The following SORBS2 variants were observed in gnomAD, a reference collection of about 807,000 sequenced individuals.
The protein encoded by SORBS2 is sorbin and SH3 domain-containing protein 2.
A neutral mutation model predicts 97.7 loss-of-function variants in SORBS2; 46 were observed. The ratio of observed to expected loss-of-function variants is 0.47; its 90% CI spans 0.37 to 0.60. The LOEUF is 0.60. SORBS2 is among the 20% of genes least tolerant of loss of function. The pLI, the probability that SORBS2 is intolerant of heterozygous loss-of-function variation, is 0.00. For synonymous variants in SORBS2, 476 were observed against 473.4 expected (o/e 1.01, Z -0.07); for missense variants, 1,316 against 1,282.3 (o/e 1.03, Z -0.40).
chr4:185,910,649 C>A (rs917651240), intron 1 of SORBS2, among the ~76,000 whole-genome samples: 5 of 152,008 alleles, frequency 3.3e-5, no homozygotes, highest in Non-Finnish European at 7.4e-5. Flanking sequence ...CTTAGCTCAA[C>A]CTCCTCCCAC....
chr4:185,728,622 A>G (rs1167617508), intron 2 of SORBS2, among the ~76,000 whole-genome samples: 1 of 152,240 alleles, frequency 6.6e-6, no homozygotes, highest in Non-Finnish European at 1.5e-5. Context: ...GATGCGCAGG[A>G]GCACTCATTA....
At chr4:185,693,762 A>G (rs1390225104) in intron 2 of SORBS2, among the ~76,000 whole-genome samples, 2 of 152,200 alleles carry the variant, frequency 1.3e-5, no homozygotes, top group African/African-American at 4.8e-5. Flanking sequence ...GACAATAATA[A>G]TGTTTTTGTA....
chr4:185,789,571 TATA>T lies in SORBS2; in HGVS notation c.-337-14208_-337-14206del, dbSNP rs538771455. Among the ~76,000 whole-genome samples the T allele has an allele frequency of 2.7e-3, 404 of 150,888 alleles. 1 individual carries two copies. The highest frequency in any genetic ancestry group is 8.3e-3 in the African/African-American group (344 of 41,370). ...AATCAAGAAATTAAATATAATTTCTTATAATGTTTAAATATAAATTATTAAATA... is the reference window on the plus strand; with the variant it reads ...AATCAAGAAATTAAATATAATTTCTTATGTTTAAATATAAATTATTAAATA... On this transcript the variant is annotated intron_variant, in intron 1 of 20. Coordinates refer to the SORBS2 transcript ENST00000284776.
At chr4:185,638,129 C>A in intron 4 of SORBS2, 1 of 1,612,034 alleles carries the variant, frequency 6.2e-7, no homozygotes, top group South Asian at 1.1e-5. Context: ...GGCTCATTTT[C>A]TAAATCTATG....
chr4:185,778,850 T>TA (rs11419363), intron 1 of SORBS2, among the ~76,000 whole-genome samples: 26,069 of 152,130 alleles, frequency 0.17, 2,489 homozygotes, highest in East Asian at 0.34. Context: ...CTACAATTGT[T>TA]AGAACTGGTG....
At chr4:185,784,898 G>A (rs1320431760) in intron 1 of SORBS2, among the ~76,000 whole-genome samples, 2 of 152,158 alleles carry the variant, frequency 1.3e-5, no homozygotes, top group Non-Finnish European at 2.9e-5. Context: ...CGCCCCGGGA[G>A]CTGCATCATT....
intron 2 of SORBS2, among the ~76,000 whole-genome samples, chr4:185,732,925 G>A (rs2098653596): frequency 6.6e-6 from 1 of 152,190 alleles, no homozygotes; most frequent in African/African-American, 2.4e-5. Context: ...AGAACATTGC[G>A]AGACAATGCA....
chr4:185,638,356 T>G (rs2097059974), intron 4 of SORBS2, among the ~76,000 whole-genome samples, 194 bp from the exon 15 acceptor site: 2 of 152,174 alleles, frequency 1.3e-5, no homozygotes, highest in Non-Finnish European at 2.9e-5. Context: ...GCGAGCTCCA[T>G]GGCAGGGGGT....
chr4:185,848,566 C>T (rs1412546978), intron 1 of SORBS2, among the ~76,000 whole-genome samples: 1 of 141,034 alleles, frequency 7.1e-6, no homozygotes, highest in Non-Finnish European at 1.5e-5. Context: ...TTCTAGTATT[C>T]TAGTGGTTCA....
rs545837872 is a variant in SORBS2, at chr4:185,662,088, T to C, written c.94+16A>G. On this transcript the variant is annotated intron_variant, in intron 5 of 20. Coordinates refer to the SORBS2 transcript ENST00000284776. ...ATTGAGGTTGCCATGGAAATCACGG[T>C]GAGTAAATTACTTACCGAGGGATGT... 2.5e-6 allele frequency: 4 copies of C among 1,613,502 alleles called. No individual in the cohort carries two copies. Among genetic ancestry groups the C allele is most frequent in the South Asian group, 1.1e-5 (1 of 90,908 alleles).
intron 1 of SORBS2, among the ~76,000 whole-genome samples, chr4:185,890,685 G>A (rs2099242040): frequency 6.6e-6 from 1 of 152,270 alleles, no homozygotes; most frequent in Middle Eastern, 3.4e-3. Context: ...CCTTCTAACA[G>A]CACAGTGTGT....
At position 185,815,647 on chromosome 4, in the gene SORBS2, G is replaced by A. The variant is rs980370736; in HGVS notation, c.-337-40281C>T. On this transcript the variant is annotated intron_variant, in intron 1 of 20. Coordinates refer to the SORBS2 transcript ENST00000284776. ...ACATATATATGCTCTAATAGTATAC[G>A]CACACACATATATATGGAGAGAGAG... Among the ~76,000 whole-genome samples the A allele has an allele frequency of 5.9e-5, 9 of 151,750 alleles. 1 individual carries two copies. Among genetic ancestry groups the A allele is most frequent in the South Asian group, 2.1e-4 (1 of 4,810 alleles).
intron 9 of SORBS2, 35 bp from the exon 22 acceptor site, chr4:185,615,194 T>G (rs781236326): frequency 1.6e-5 from 19 of 1,225,134 alleles, no homozygotes; most frequent in Admixed American, 8.4e-5. Flanking sequence ...CTTTTTGTGA[T>G]GTACAGCAAT....
At chr4:185,796,068 A>AC (rs2099103232) in intron 1 of SORBS2, among the ~76,000 whole-genome samples, 2 of 151,700 alleles carry the variant, frequency 1.3e-5, no homozygotes, top group African/African-American at 4.8e-5. Context: ...AAATTCCCTT[A>AC]TTTTTTTTAA....
intron 4 of SORBS2, among the ~76,000 whole-genome samples, 189 bp from the exon 14 acceptor site, chr4:185,639,224 G>C (rs1209442243): frequency 1.3e-5 from 2 of 152,208 alleles, no homozygotes; most frequent in Non-Finnish European, 2.9e-5. Context: ...TGCCCACCAG[G>C]AGTGGATCCC....
At chr4:185,651,673 T>C (rs2097316131) in intron 2 of SORBS2, 111 bp downstream of exon 11, 5 of 742,074 alleles carry the variant, frequency 6.7e-6, no homozygotes, top group South Asian at 6.1e-5. Flanking sequence ...CCTCCTAATA[T>C]ATGAACTGAA....
At chr4:185,614,570 A>G in intron 11 of SORBS2, 1 of 421,384 alleles carries the variant, frequency 2.4e-6, no homozygotes, top group Non-Finnish European at 4.2e-6. Flanking sequence ...CTTGATTTTC[A>G]GCCCCATGCC....
intron 2 of SORBS2, among the ~76,000 whole-genome samples, chr4:185,754,484 GAAT>G (rs2098819453): frequency 6.6e-6 from 1 of 152,004 alleles, no homozygotes. Flanking sequence ...AAAGTTAAAA[GAAT>G]AATAAAAACA....
At position 185,781,900 on chromosome 4, in the gene SORBS2, G is replaced by T. The variant is rs546830706; in HGVS notation, c.-337-6534C>A. Reference sequence around the variant, plus strand: ...CCACCCCCTTTTTTTAACTCGTAAAGAATCACCTTCCTCATTCCTTCTAAA... The same window carrying T: ...CCACCCCCTTTTTTTAACTCGTAAATAATCACCTTCCTCATTCCTTCTAAA... On this transcript the variant is annotated intron_variant, in intron 1 of 20. Transcript: ENST00000284776. 3.9e-5 allele frequency among the ~76,000 whole-genome samples: 6 copies of T among 152,338 alleles called. No homozygotes were observed. The South Asian group carries it at 1.2e-3, about 32-fold the overall frequency.
Sources: gnomAD v4.1 joint callset for allele counts (sites outside exome capture counted in the v4.1 genomes callset) on GRCh38, gnomAD v4.1.1 for gene constraint, MANE v1.5 for transcripts, NCBI Gene and HGNC (gene_info 2026-07-23, HGNC 2026-07-21) for gene names.